Variants in GNA14 observed in about 807,000 individuals in gnomAD.
The protein encoded by GNA14 is G protein subunit alpha 14.
In GNA14, 50 loss-of-function variants were observed where a neutral mutation model predicts 42.0. The observed-to-expected ratio is 1.19, with a 90% CI of 0.95 to 1.51. The LOEUF is 1.51. Among genes scored for constraint, GNA14 ranks in the 40% most tolerant of loss-of-function variants. The pLI, the probability that GNA14 is intolerant of heterozygous loss-of-function variation, is 0.00. For synonymous variants in GNA14, 173 were observed against 163.1 expected (o/e 1.06, Z -0.46); for missense variants, 473 against 446.2 (o/e 1.06, Z -0.54).
intron 2 of GNA14, chr9:77,517,483 G>A (rs1018362705): frequency 1.3e-5 from 2 of 151,880 alleles, no homozygotes; most frequent in Non-Finnish European, 2.9e-5. Context: ...GCAGGAAGAG[G>A]GTGAGGACGC....
chr9:77,643,073 C>G (rs1452912854), intron 1 of GNA14, among the ~76,000 whole-genome samples: 1 of 152,196 alleles, frequency 6.6e-6, no homozygotes, highest in Non-Finnish European at 1.5e-5. Context: ...TTCCTCATAA[C>G]AGCTATTTGT....
chr9:77,501,181 C>T (rs1296467210), intron 2 of GNA14, among the ~76,000 whole-genome samples: 1 of 152,152 alleles, frequency 6.6e-6, no homozygotes, highest in Non-Finnish European at 1.5e-5. Context: ...TTTCAAACTC[C>T]TGATCTCAAG....
At chr9:77,626,639 C>G (rs1057084000) in intron 1 of GNA14, among the ~76,000 whole-genome samples, 1 of 152,116 alleles carries the variant, frequency 6.6e-6, no homozygotes, top group Non-Finnish European at 1.5e-5. Context: ...TGAATGACTA[C>G]TAGGTAAATA....
At chr9:77,639,940 C>CG (rs1050500298) in intron 1 of GNA14, among the ~76,000 whole-genome samples, 19 of 152,302 alleles carry the variant, frequency 1.2e-4, no homozygotes, top group Non-Finnish European at 2.4e-4. Flanking sequence ...CTTGGATTTC[C>CG]GCTAGTATAT....
intron 2 of GNA14, among the ~76,000 whole-genome samples, chr9:77,504,204 A>C (rs1231044928): frequency 6.6e-6 from 1 of 152,238 alleles, no homozygotes; most frequent in Admixed American, 6.5e-5. Context: ...AATGGAAACA[A>C]ATCTTTTTCA....
At chr9:77,580,166 A>G (rs1439550695) in intron 1 of GNA14, 2 of 227,066 alleles carry the variant, frequency 8.8e-6, no homozygotes, top group African/African-American at 4.5e-5. Context: ...TTGGGTCACA[A>G]ACCACACTGG....
At chr9:77,509,662 C>T (rs527846456) in intron 2 of GNA14, among the ~76,000 whole-genome samples, 6 of 152,310 alleles carry the variant, frequency 3.9e-5, no homozygotes, top group Admixed American at 1.3e-4. Flanking sequence ...GGGTGGAGAA[C>T]AGGATGTGCA....
Position 77,574,502 on chromosome 9 carries a change from A to T in GNA14, c.125-45249T>A, listed in dbSNP as rs149558054. Among the ~76,000 whole-genome samples, 40 of 152,368 alleles carry T rather than the reference A, an allele frequency of 2.6e-4. 1 individual carries two copies. Among genetic ancestry groups the T allele is most frequent in the Admixed American group, 2.4e-3 (36 of 15,296 alleles). On this transcript the variant is annotated intron_variant, in intron 1 of 6. Transcript: ENST00000341700. ...AAAATATTTCTGCAACTTGAAATTCATATATTACATATACTGTTTCTCCTT... is the reference window on the plus strand; with the variant it reads ...AAAATATTTCTGCAACTTGAAATTCTTATATTACATATACTGTTTCTCCTT...
At chr9:77,437,037 G>C (rs1159321037) in intron 2 of GNA14, among the ~76,000 whole-genome samples, 1 of 150,428 alleles carries the variant, frequency 6.6e-6, no homozygotes, top group Non-Finnish European at 1.5e-5. Flanking sequence ...TTGGGCCCTG[G>C]TGGCCCTCAG....
intron 1 of GNA14, among the ~76,000 whole-genome samples, chr9:77,646,367 G>A (rs1296460329): frequency 2.0e-5 from 3 of 152,134 alleles, no homozygotes; most frequent in South Asian, 2.1e-4. Context: ...GGGAGGGAGG[G>A]GGCAGCATGG....
At chr9:77,458,792 C>G (rs1335183013) in intron 2 of GNA14, among the ~76,000 whole-genome samples, 3 of 152,046 alleles carry the variant, frequency 2.0e-5, no homozygotes, top group Admixed American at 2.0e-4. Flanking sequence ...CCCGAGGGGA[C>G]ACAGCAGAAA....
chr9:77,532,086 T>C (rs951071796), intron 1 of GNA14, among the ~76,000 whole-genome samples: 24 of 151,574 alleles, frequency 1.6e-4, no homozygotes, highest in African/African-American at 5.8e-4. Flanking sequence ...GATCCTCCAC[T>C]CTCATTTAAG....
At chr9:77,452,618 TATGTATATGTGTG>T (rs1835929213) in intron 2 of GNA14, among the ~76,000 whole-genome samples, 3 of 57,812 alleles carry the variant, frequency 5.2e-5, no homozygotes, top group East Asian at 5.5e-4. Flanking sequence ...TATGTGTGTG[TATGTATATGTGTG>T]CGGTGTGTGT....
intron 1 of GNA14, among the ~76,000 whole-genome samples, chr9:77,584,684 C>T (rs546556458): frequency 1.3e-5 from 2 of 152,130 alleles, no homozygotes; most frequent in South Asian, 2.1e-4. Context: ...AGGGTGAGTC[C>T]GTAGAGTAAA....
chr9:77,461,309 A>G (rs1836101715), intron 2 of GNA14, among the ~76,000 whole-genome samples: 1 of 152,248 alleles, frequency 6.6e-6, no homozygotes, highest in South Asian at 2.1e-4. Flanking sequence ...ATGACTCTGA[A>G]GCTGCGCCTT....
intron 2 of GNA14, among the ~76,000 whole-genome samples, chr9:77,465,859 G>T (rs1204238741): frequency 1.3e-5 from 2 of 152,020 alleles, no homozygotes; most frequent in Admixed American, 1.3e-4. Context: ...CTCCCACCTT[G>T]GCCTCCCAAA....
At chr9:77,556,034 C>A (rs1822776173) in intron 1 of GNA14, among the ~76,000 whole-genome samples, 1 of 152,240 alleles carries the variant, frequency 6.6e-6, no homozygotes, top group African/African-American at 2.4e-5. Context: ...CACCTGAGGT[C>A]AGGAGTTCAA....
At chr9:77,534,702 G>C (rs988405339) in intron 1 of GNA14, among the ~76,000 whole-genome samples, 4 of 152,174 alleles carry the variant, frequency 2.6e-5, no homozygotes, top group African/African-American at 9.7e-5. Flanking sequence ...CCCAACAGGC[G>C]GAAGACAGAC....
chr9:77,627,550 C>T (rs1824028970), intron 1 of GNA14, among the ~76,000 whole-genome samples: 1 of 152,174 alleles, frequency 6.6e-6, no homozygotes, highest in Non-Finnish European at 1.5e-5. Context: ...CCACCACAAT[C>T]AAGTCAGCTT....
Sources: gnomAD v4.1 joint callset for allele counts (sites outside exome capture counted in the v4.1 genomes callset) on GRCh38, gnomAD v4.1.1 for gene constraint, MANE v1.5 for transcripts, NCBI Gene and HGNC (gene_info 2026-07-23, HGNC 2026-07-21) for gene names.